Variants in ANKRD44 observed in about 807,000 individuals in gnomAD.
The protein encoded by ANKRD44 is ankyrin repeat domain 44.
ANKRD44 carries 35 observed loss-of-function variants against 116.0 expected under a neutral mutation model. That is an observed-to-expected ratio of 0.30 (90% CI 0.23 to 0.40). ANKRD44 has a LOEUF of 0.40. Among genes scored for constraint, ANKRD44 ranks in the 10% least tolerant of loss-of-function variants. The probability of loss-of-function intolerance (pLI) is 1.00; values close to 1 mark genes in which losing one functional copy is unlikely to be tolerated. For synonymous variants in ANKRD44, 435 were observed against 461.8 expected (o/e 0.94, Z 0.74); for missense variants, 1,014 against 1,242.6 (o/e 0.82, Z 2.77).
At chr2:197,149,607 CAGTACTCCTTT>C (rs943646215) in intron 2 of ANKRD44, among the ~76,000 whole-genome samples, 14 of 152,194 alleles carry the variant, frequency 9.2e-5, no homozygotes, top group African/African-American at 3.1e-4. Flanking sequence ...TGTATTCAGG[CAGTACTCCTTT>C]AGTTCTCCAA....
intron 24 of ANKRD44, 66 bp downstream of exon 24, chr2:196,998,841 C>A: frequency 6.3e-7 from 1 of 1,582,860 alleles, no homozygotes; most frequent in Non-Finnish European, 8.6e-7. Flanking sequence ...CAACTGATTT[C>A]TTGATTTGAC....
At chr2:197,242,419 T>C (rs974732293) in intron 1 of ANKRD44, among the ~76,000 whole-genome samples, 4 of 152,128 alleles carry the variant, frequency 2.6e-5, no homozygotes, top group Non-Finnish European at 5.9e-5. Flanking sequence ...ATCCTAAGGC[T>C]CCCCACATTT....
chr2:197,242,423 C>T (rs1881403), intron 1 of ANKRD44, among the ~76,000 whole-genome samples: 151,659 of 152,342 alleles, frequency 1, 75,497 homozygotes, highest in Middle Eastern at 1. Context: ...TAAGGCTCCC[C>T]ACATTTCCAG....
chr2:197,118,627 G>C (rs1465197579), intron 8 of ANKRD44, among the ~76,000 whole-genome samples: 1 of 138,008 alleles, frequency 7.2e-6, no homozygotes, highest in Admixed American at 7.2e-5. Context: ...GAGAGAGAGA[G>C]AGAGAGAGAG....
intron 16 of ANKRD44, among the ~76,000 whole-genome samples, chr2:197,039,031 AT>A (rs2076859373): frequency 6.6e-6 from 1 of 152,338 alleles, no homozygotes; most frequent in South Asian, 2.1e-4. Flanking sequence ...TAGTGGGAGA[AT>A]TCCCAAATTC....
At chr2:197,039,363 G>A (rs1024604830) in intron 16 of ANKRD44, among the ~76,000 whole-genome samples, 2 of 152,190 alleles carry the variant, frequency 1.3e-5, no homozygotes, top group Admixed American at 6.5e-5. Context: ...TGCCTTGGAT[G>A]CATTCTTAAT....
chr2:197,229,929 A>T (rs1258127228), intron 1 of ANKRD44, among the ~76,000 whole-genome samples: 1 of 152,166 alleles, frequency 6.6e-6, no homozygotes, highest in Non-Finnish European at 1.5e-5. Context: ...AATAATATAG[A>T]GTGATTGCTG....
At chr2:197,001,595 T>C (rs2076115994) in intron 22 of ANKRD44, among the ~76,000 whole-genome samples, 158 bp downstream of exon 22, 1 of 152,230 alleles carries the variant, frequency 6.6e-6, no homozygotes, top group African/African-American at 2.4e-5. Context: ...GGAAAATCAT[T>C]AATATTTTGC....
chr2:197,072,774 G>A (rs1001880361), intron 16 of ANKRD44, among the ~76,000 whole-genome samples: 1 of 152,146 alleles, frequency 6.6e-6, no homozygotes, highest in Admixed American at 6.5e-5. Flanking sequence ...ATGACTAAGT[G>A]TTTAGCTATT....
chr2:197,026,924 G>A (rs909281848), intron 16 of ANKRD44, among the ~76,000 whole-genome samples: 4 of 152,072 alleles, frequency 2.6e-5, no homozygotes, highest in Admixed American at 2.0e-4. Context: ...CAAGGATGAC[G>A]CCCAGTTTTT....
intron 1 of ANKRD44, among the ~76,000 whole-genome samples, chr2:197,306,110 A>G (rs945946464): frequency 6.6e-6 from 1 of 151,986 alleles, no homozygotes; most frequent in African/African-American, 2.4e-5. Context: ...GCTCCTTACT[A>G]TGTACAGAAA....
chr2:197,049,934 A>G (rs2077074447), intron 16 of ANKRD44, among the ~76,000 whole-genome samples: 1 of 152,206 alleles, frequency 6.6e-6, no homozygotes, highest in East Asian at 1.9e-4. Flanking sequence ...CCCCTTGGCC[A>G]CTGTATTAGT....
intron 2 of ANKRD44, among the ~76,000 whole-genome samples, chr2:197,148,279 C>A (rs1031363092): frequency 6.6e-5 from 10 of 152,224 alleles, no homozygotes; most frequent in Non-Finnish European, 1.5e-4. Flanking sequence ...CGGCCTCACT[C>A]TTCTTTATCC....
chr2:197,138,556 A>G (rs1330523976), intron 3 of ANKRD44, among the ~76,000 whole-genome samples: 1 of 152,220 alleles, frequency 6.6e-6, no homozygotes, highest in Non-Finnish European at 1.5e-5. Flanking sequence ...CACAAAGTCT[A>G]CCTTTCTGGT....
At chr2:197,125,013 G>A (rs563846239) in intron 6 of ANKRD44, among the ~76,000 whole-genome samples, 6 of 152,266 alleles carry the variant, frequency 3.9e-5, no homozygotes, top group Non-Finnish European at 5.9e-5. Context: ...TTAAAAAGAC[G>A]AATGGAATTT....
At chr2:197,194,776 A>G (rs1361690947) in intron 1 of ANKRD44, among the ~76,000 whole-genome samples, 1 of 152,210 alleles carries the variant, frequency 6.6e-6, no homozygotes, top group African/African-American at 2.4e-5. Context: ...TTGCAACAAA[A>G]TGGCTAACAA....
Position 197,121,527 on chromosome 2 carries a change from G to C in ANKRD44, c.711C>G (p.Val237=), listed in dbSNP as rs770499090. 8 of 1,614,112 alleles carry C rather than the reference G, an allele frequency of 5.0e-6. No individual in the cohort carries two copies. Among genetic ancestry groups the C allele is most frequent in the Non-Finnish European group, 6.8e-6 (8 of 1,180,000 alleles). The change falls in exon 8 of 28, where the codon GTC becomes GTG. Residue 237 remains valine, a synonymous_variant. Transcript: ENST00000282272. The part of the protein sequence containing the change: ...NLGVEIDEIN[V]YGNTALHIAC... The stretch of plus-strand genomic sequence containing the variant: ...CGATGTGAAGCGCTGTATTTCCATA[G>C]ACATTGATTTCATCAATCTGCAAAA...
At chr2:197,040,824 T>C (rs1472095545) in intron 16 of ANKRD44, among the ~76,000 whole-genome samples, 1 of 152,228 alleles carries the variant, frequency 6.6e-6, no homozygotes. Flanking sequence ...ACTATTACTA[T>C]ATTAAAGTGC....
intron 16 of ANKRD44, chr2:197,028,720 A>G: frequency 5.9e-6 from 1 of 170,214 alleles, no homozygotes; most frequent in Non-Finnish European, 1.2e-5. Flanking sequence ...CTTATGCAGC[A>G]GGATTATTTT....
Sources: gnomAD v4.1 joint callset for allele counts (sites outside exome capture counted in the v4.1 genomes callset) on GRCh38, gnomAD v4.1.1 for gene constraint, MANE v1.5 for transcripts, NCBI Gene and HGNC (gene_info 2026-07-23, HGNC 2026-07-21) for gene names.